NKAIN2: variants seen among roughly 807,000 people sequenced by gnomAD.
NKAIN2 encodes the protein sodium/potassium-transporting ATPase subunit beta-1-interacting protein 2.
Under a neutral mutation model 32.6 loss-of-function variants are expected in NKAIN2, and 14 were observed. The ratio of observed to expected loss-of-function variants is 0.43; its 90% CI spans 0.28 to 0.67. The LOEUF is 0.67. NKAIN2 is among the 30% of genes least tolerant of loss of function. The pLI is 0.17. For synonymous variants in NKAIN2, 80 were observed against 87.2 expected (o/e 0.92, Z 0.46); for missense variants, 198 against 258.3 (o/e 0.77, Z 1.60).
intron 4 of NKAIN2, among the ~76,000 whole-genome samples, chr6:124,739,508 C>T (rs916956087): frequency 4.6e-5 from 7 of 151,826 alleles, no homozygotes; most frequent in African/African-American, 1.7e-4. Context: ...ACCAATGACC[C>T]TTCCACAGTG....
At chr6:123,900,532 G>GGTTTTTT (rs1774516637) in intron 1 of NKAIN2, among the ~76,000 whole-genome samples, 3 of 32,790 alleles carry the variant, frequency 9.1e-5, no homozygotes, top group Non-Finnish European at 2.2e-4. Flanking sequence ...CTCCAGATTA[G>GGTTTTTT]TTTTTTTTTT....
At chr6:123,933,166 G>C (rs557392721) in intron 1 of NKAIN2, among the ~76,000 whole-genome samples, 2 of 152,240 alleles carry the variant, frequency 1.3e-5, no homozygotes, top group East Asian at 3.9e-4. Flanking sequence ...TATCATTAAA[G>C]GAACTAGAAA....
intron 3 of NKAIN2, among the ~76,000 whole-genome samples, chr6:124,532,032 C>T (rs1442078491): frequency 1.3e-5 from 2 of 152,140 alleles, no homozygotes; most frequent in Admixed American, 6.5e-5. Context: ...CAGTCTACAC[C>T]CAGAGCTGTC....
At chr6:124,755,846 A>G (rs1349778128) in intron 4 of NKAIN2, among the ~76,000 whole-genome samples, 2 of 152,164 alleles carry the variant, frequency 1.3e-5, no homozygotes, top group East Asian at 3.9e-4. Flanking sequence ...AAACCTGCAT[A>G]TGTACCCCTG....
intron 1 of NKAIN2, among the ~76,000 whole-genome samples, chr6:123,989,982 C>T (rs898200573): frequency 6.6e-6 from 1 of 152,146 alleles, no homozygotes; most frequent in African/African-American, 2.4e-5. Flanking sequence ...TTAATTGACT[C>T]ACAGTTCTGC....
intron 2 of NKAIN2, among the ~76,000 whole-genome samples, chr6:124,319,331 A>G (rs186523297): frequency 1.3e-5 from 2 of 152,098 alleles, no homozygotes; most frequent in Admixed American, 1.3e-4. Flanking sequence ...GAGAAAACGC[A>G]AATGCTGGTT....
rs143903314 is a variant in NKAIN2 at position 123,945,533 on chromosome 6, T to C, written c.54+141279T>C. Among the ~76,000 whole-genome samples, 49 of 152,230 alleles carry C rather than the reference T, an allele frequency of 3.2e-4. No individual in the cohort carries two copies. In the East Asian group the frequency reaches 9.3e-3, roughly 29 times the overall value. ...TTCTTCCTCAATGACTGAGTGACTA[T>C]GAACATGTACTCTGTGGTCCCAGCA... On this transcript the variant is annotated intron_variant, in intron 1 of 6. Coordinates refer to ENST00000368417, the MANE Select transcript of NKAIN2 (RefSeq NM_001040214.3).
At chr6:123,978,390 C>G (rs1315871073) in intron 1 of NKAIN2, among the ~76,000 whole-genome samples, 1 of 152,154 alleles carries the variant, frequency 6.6e-6, no homozygotes, top group Non-Finnish European at 1.5e-5. Flanking sequence ...TTAAATCACT[C>G]TGCAGTTGTC....
At chr6:124,347,010 G>C (rs1798458522) in intron 2 of NKAIN2, among the ~76,000 whole-genome samples, 1 of 152,118 alleles carries the variant, frequency 6.6e-6, no homozygotes, top group South Asian at 2.1e-4. Context: ...TCCTTCAGGA[G>C]CTCTTTTAGG....
chr6:124,517,732 TGA>T (rs977058781), intron 3 of NKAIN2, among the ~76,000 whole-genome samples: 2 of 152,188 alleles, frequency 1.3e-5, no homozygotes, highest in African/African-American at 4.8e-5. Flanking sequence ...CAATTGATTC[TGA>T]GTTTTTAAAA....
intron 1 of NKAIN2, among the ~76,000 whole-genome samples, chr6:123,898,315 T>A (rs143211648): frequency 6.6e-6 from 1 of 152,348 alleles, no homozygotes; most frequent in Admixed American, 6.5e-5. Flanking sequence ...AAATTTGTAC[T>A]TCTGATTATC....
At chr6:124,240,698 C>A (rs1793039124) in intron 1 of NKAIN2, among the ~76,000 whole-genome samples, 1 of 152,106 alleles carries the variant, frequency 6.6e-6, no homozygotes, top group Non-Finnish European at 1.5e-5. Flanking sequence ...TTAAACACCC[C>A]TTCATGCTAA....
At chr6:123,933,696 A>C (rs1369322026) in intron 1 of NKAIN2, among the ~76,000 whole-genome samples, 3 of 152,172 alleles carry the variant, frequency 2.0e-5, no homozygotes, top group Non-Finnish European at 4.4e-5. Flanking sequence ...CCTCAAAGCA[A>C]TTCTGGTTCA....
chr6:124,652,199 C>T (rs1784391746), intron 3 of NKAIN2, among the ~76,000 whole-genome samples: 1 of 152,188 alleles, frequency 6.6e-6, no homozygotes, highest in Admixed American at 6.5e-5. Flanking sequence ...TTCTCTGCCA[C>T]TTTATATCAA....
chr6:124,244,046 T>C (rs1793254785), intron 1 of NKAIN2, among the ~76,000 whole-genome samples: 1 of 150,726 alleles, frequency 6.6e-6, no homozygotes. Context: ...ATAGAAATGA[T>C]TTCTTTCTGT....
At chr6:124,808,149 C>T (rs1422150238) in intron 5 of NKAIN2, among the ~76,000 whole-genome samples, 1 of 152,034 alleles carries the variant, frequency 6.6e-6, no homozygotes, top group Non-Finnish European at 1.5e-5. Context: ...CCAGCATCAT[C>T]CTGATACCAA....
intron 4 of NKAIN2, among the ~76,000 whole-genome samples, chr6:124,720,087 T>C (rs1485273916): frequency 6.6e-6 from 1 of 152,132 alleles, no homozygotes; most frequent in African/African-American, 2.4e-5. Context: ...ATTCATGCTA[T>C]CAGTCAAACT....
intron 1 of NKAIN2, among the ~76,000 whole-genome samples, chr6:123,805,739 A>T (rs1050204851): frequency 2.6e-5 from 4 of 152,196 alleles, no homozygotes; most frequent in African/African-American, 9.6e-5. Context: ...GCCAAACTGT[A>T]TAAAGGTTTT....
At chr6:124,533,533 C>T (rs564094410) in intron 3 of NKAIN2, among the ~76,000 whole-genome samples, 15 of 145,526 alleles carry the variant, frequency 1.0e-4, no homozygotes, top group African/African-American at 2.8e-4. Flanking sequence ...GGGGAGATGA[C>T]GGGCAGGATT....
Sources: gnomAD v4.1 joint callset for allele counts (sites outside exome capture counted in the v4.1 genomes callset) on GRCh38, gnomAD v4.1.1 for gene constraint, MANE v1.5 for transcripts, NCBI Gene and HGNC (gene_info 2026-07-23, HGNC 2026-07-21) for gene names.